The following DSG3 variants were observed in gnomAD, a reference collection of about 807,000 sequenced individuals.
DSG3 encodes desmoglein-3.
Under a neutral mutation model 85.9 loss-of-function variants are expected in DSG3, and 63 were observed. The observed-to-expected ratio is 0.73, with a 90% CI of 0.60 to 0.90. DSG3 has a LOEUF of 0.90. Among genes scored for constraint, DSG3 ranks in the 40% least tolerant of loss-of-function variants. DSG3 has a pLI of 0.00. For missense variants in DSG3, 1,220 were observed against 1,219.9 expected (o/e 1.00, Z 0.00); for synonymous variants, 447 against 441.9 (o/e 1.01, Z -0.14).
chr18:31,456,362 T>C lies in DSG3; in HGVS notation c.49-78T>C, dbSNP rs2072741876. 5 of 904,610 alleles carry C rather than the reference T, an allele frequency of 5.5e-6. No individual in the cohort carries two copies. In the Admixed American group the frequency reaches 1.5e-4, roughly 28 times the overall value. The allele number at this position is 904,610 out of a possible 1,614,324, so 56.0% of individuals were successfully genotyped here. ...TCACAATATGAACAATAGAATATAA[T>C]AATCAGGATTATTCATTGTATATAA... On this transcript the variant is annotated intron_variant, in intron 1 of 15. Transcript: ENST00000257189.
At chr18:31,466,987 T>C (rs2072825443) in intron 11 of DSG3, among the ~76,000 whole-genome samples, 1 of 152,248 alleles carries the variant, frequency 6.6e-6, no homozygotes. Flanking sequence ...GTTCGTTTGA[T>C]ATTTTAACAT....
intron 3 of DSG3, 66 bp from the exon 4 acceptor site, chr18:31,458,379 G>A (rs1407100349): frequency 1.3e-6 from 2 of 1,515,464 alleles, no homozygotes; most frequent in Non-Finnish European, 1.8e-6. Context: ...GACTATGGAA[G>A]TGGGGGTGGA....
chr18:31,455,653 A>T (rs1454252769), intron 1 of DSG3, among the ~76,000 whole-genome samples: 2 of 152,212 alleles, frequency 1.3e-5, no homozygotes, highest in African/African-American at 4.8e-5. Context: ...GAGTAGAAAG[A>T]GGTAATGCAT....
At position 31,469,190 on chromosome 18, in the gene DSG3, C is replaced by G. The variant is rs561461640; in HGVS notation, c.1738C>G (p.Arg580Gly). ...TCAGAACAATCGGTGTGAGATGCCA[C>G]GCAGCTTGACACTGGAAGTCTGTCA... ...DSQNNRCEMP[R>G]SLTLEVCQCD... Residue 580 changes from arginine to glycine, a missense_variant, in exon 12 of 16, where the codon CGC (arginine) becomes GGC (glycine). Arg to Gly is a moderately radical substitution (Grantham distance 125, BLOSUM62 -2). Coordinates refer to ENST00000257189, the MANE Select transcript of DSG3 (RefSeq NM_001944.3). 6.2e-7 allele frequency: 1 copy of G among 1,614,146 alleles called. No homozygotes were observed. Among genetic ancestry groups the G allele is most frequent in the South Asian group, 1.1e-5 (1 of 91,088 alleles).
In DSG3 at chr18:31,447,824, G is replaced by A; in HGVS notation, c.-54G>A. On this transcript the variant is annotated 5_prime_UTR_variant, in exon 1 of 16. Transcript: ENST00000257189. ...CTTAGACATCAACTGCAGACGGCTG[G>A]CAGGATAGAAGCAGCGGCTCACTTG... The A allele has an allele frequency of 6.7e-7, 1 of 1,483,166 alleles. No individual in the cohort carries two copies. Among genetic ancestry groups the A allele is most frequent in the Non-Finnish European group, 9.2e-7 (1 of 1,092,488 alleles). 91.9% of individuals were successfully genotyped at this position (1,483,166 alleles called of 1,614,324 possible).
chr18:31,470,177 G>C (rs1454195595), intron 12 of DSG3, among the ~76,000 whole-genome samples: 1 of 151,996 alleles, frequency 6.6e-6, no homozygotes, highest in African/African-American at 2.4e-5. Flanking sequence ...ATAAACAAGA[G>C]AAATCCTTGC....
intron 14 of DSG3, among the ~76,000 whole-genome samples, chr18:31,473,780 G>A (rs2072869514): frequency 6.6e-6 from 1 of 152,148 alleles, no homozygotes. Flanking sequence ...TAACTATAAT[G>A]TTTTTTCGTG....
Position 31,469,364 on chromosome 18 carries a change from T to A in DSG3, c.1897+15T>A, listed in dbSNP as rs1386398069. The stretch of plus-strand genomic sequence containing the variant: ...GCTGCTGCTGTGTGAGTAGCCAATG[T>A]TTCATTCTCTGTTGGACCAGGTGTC... On this transcript the variant is annotated intron_variant, in intron 12 of 15. Coordinates refer to ENST00000257189, the MANE Select transcript of DSG3 (RefSeq NM_001944.3). 5.6e-6 allele frequency: 9 copies of A among 1,611,746 alleles called. No homozygotes were observed. The highest frequency in any genetic ancestry group is 7.6e-6 in the Non-Finnish European group (9 of 1,179,680).
At chr18:31,457,821 G>A (rs151291304) in intron 3 of DSG3, among the ~76,000 whole-genome samples, 1,958 of 151,758 alleles carry the variant, frequency 0.013, 55 homozygotes, top group African/African-American at 0.045. Flanking sequence ...AGTAGAGACG[G>A]GGTTTCACCA....
intron 15 of DSG3, among the ~76,000 whole-genome samples, chr18:31,474,688 G>A (rs144851300): frequency 7.2e-5 from 11 of 152,280 alleles, no homozygotes; most frequent in African/African-American, 2.6e-4. Context: ...CCAGGAGGTA[G>A]AAGCTGCAGT....
intron 1 of DSG3, among the ~76,000 whole-genome samples, chr18:31,454,189 G>T (rs1428777864): frequency 6.6e-6 from 1 of 152,052 alleles, no homozygotes; most frequent in African/African-American, 2.4e-5. Context: ...TTCTCTGTAG[G>T]GCTAGTCCAA....
chr18:31,464,625 A>G (rs376357795), intron 9 of DSG3, among the ~76,000 whole-genome samples: 1 of 152,232 alleles, frequency 6.6e-6, no homozygotes, highest in Non-Finnish European at 1.5e-5. Context: ...GCCTTAGCCT[A>G]TCAACAGAAA....
chr18:31,457,587 TCTTTCTTTCTTTCTTTCTTTCTTTCTTTC>T (rs2072755512), intron 3 of DSG3, among the ~76,000 whole-genome samples: 2 of 35,754 alleles, frequency 5.6e-5, no homozygotes, highest in South Asian at 2.0e-3. Flanking sequence ...CTTTCTTTCT[TCTTTCTTTCTTTCTTTCTTTCTTTCTTTC>T]TTTCTTTCTT....
At position 31,478,534 on chromosome 18, in the gene DSG3, T is replaced by G. The variant is rs11541769; in HGVS notation, c.*2274T>G. The G allele has an allele frequency of 9.2e-3, 1,407 of 152,334 alleles. 17 individuals carry two copies. The highest frequency in any genetic ancestry group is 0.032 in the African/African-American group (1,332 of 41,570). The allele number at this position is 152,334 out of a possible 1,614,324, so 9.4% of individuals were successfully genotyped here. ...TCTTTAGGATGACTTAAAAATTGAT[T>G]TGCCATGTAAAATGTATCTGCATTT... On this transcript the variant is annotated 3_prime_UTR_variant, in exon 16 of 16. Transcript: ENST00000257189.
Position 31,460,965 on chromosome 18 carries a change from C to T in DSG3, c.813+4C>T, listed in dbSNP as rs1316570148. ...CCCAATGTTTAGAGACTCTCAGGTA[C>T]ACCCATTGCTCCTTAAAGAATCATT... On this transcript the variant is annotated splice_donor_region_variant and intron_variant, in intron 7 of 15. Coordinates refer to ENST00000257189, the MANE Select transcript of DSG3 (RefSeq NM_001944.3). 3 of 1,582,564 alleles carry T rather than the reference C, an allele frequency of 1.9e-6. No homozygotes were observed. Among genetic ancestry groups the T allele is most frequent in the Non-Finnish European group, 1.7e-6 (2 of 1,171,512 alleles).
At position 31,459,145 on chromosome 18, in the gene DSG3, T is replaced by G; in HGVS notation, c.485T>G (p.Phe162Cys). 13 of 1,612,974 alleles carry G rather than the reference T, an allele frequency of 8.1e-6. No individual in the cohort carries two copies. The highest frequency in any genetic ancestry group is 1.1e-5 in the Non-Finnish European group (13 of 1,179,910). ...CCTCCAGTATTTTCACAACAAATTT[T>G]CATGGGTGAAATTGAAGAAAATAGT... is the stretch of plus-strand genomic sequence containing the variant. ...DNPPVFSQQI[F>C]MGEIEENSAS... Residue 162 changes from phenylalanine to cysteine, a missense_variant, in exon 5 of 16, where the codon TTC becomes TGC. By Grantham distance (205) the Phe-to-Cys change is radical. Transcript: ENST00000257189.
At chr18:31,449,496 G>A (rs1410195867) in intron 1 of DSG3, among the ~76,000 whole-genome samples, 1 of 152,052 alleles carries the variant, frequency 6.6e-6, no homozygotes, top group African/African-American at 2.4e-5. Context: ...TGACATATAG[G>A]ACACTCTCAA....
At chr18:31,464,512 A>T in intron 9 of DSG3, 130 bp downstream of exon 9, 8 of 1,019,004 alleles carry the variant, frequency 7.9e-6, no homozygotes. Flanking sequence ...GAAACTGGGT[A>T]ACTCAAAAAG....
At position 31,461,335 on chromosome 18, in the gene DSG3, A is replaced by G. The variant is rs573241182; in HGVS notation, c.922A>G (p.Thr308Ala). Residue 308 changes from threonine to alanine, a missense_variant, in exon 8 of 16, where the codon ACC (threonine) becomes GCC (alanine). Transcript: ENST00000257189. ...TDNWLAVYFF[T>A]SGNEGNWFEI... The stretch of plus-strand genomic sequence containing the variant: ...TAATTGGCTTGCAGTATATTTCTTT[A>G]CCTCTGGGAATGAAGGAAATTGGTT... 147 of 1,613,560 alleles carry G rather than the reference A, an allele frequency of 9.1e-5. No individual in the cohort carries two copies. In the South Asian group the frequency reaches 9.2e-4, roughly 10 times the overall value.
Sources: allele counts gnomAD v4.1 joint callset (sites outside exome capture counted in the v4.1 genomes callset), GRCh38; gene constraint gnomAD v4.1.1; transcripts MANE v1.5; gene names NCBI Gene and HGNC (gene_info 2026-07-23, HGNC 2026-07-21).